SYCP1: variants seen among roughly 807,000 people sequenced by gnomAD.
The protein encoded by SYCP1 is cancer/testis antigen 8.
In SYCP1, 64 loss-of-function variants were observed where a neutral mutation model predicts 153.1. The observed-to-expected ratio is 0.42, with a 90% CI of 0.34 to 0.51. The LOEUF is 0.51. SYCP1 is among the 20% of genes least tolerant of loss of function. The pLI is 0.06. For missense variants in SYCP1, 997 were observed against 1,049.0 expected, an observed-to-expected ratio of 0.95 and a Z score of 0.68; for synonymous variants, 384 against 341.8, an observed-to-expected ratio of 1.12 and a Z score of -1.36.
chr1:114,857,099 C>T, intron 3 of SYCP1, 133 bp from the exon 4 acceptor site: 1 of 644,546 alleles, frequency 1.6e-6, no homozygotes. Flanking sequence ...TCACTGCCCT[C>T]TAGTCTAGGC....
chr1:114,974,038 C>T (rs942093083), intron 27 of SYCP1, among the ~76,000 whole-genome samples: 1 of 151,636 alleles, frequency 6.6e-6, no homozygotes. Context: ...TCAGCTTTAT[C>T]TGGTATTCAT....
In SYCP1 at chr1:114,890,421, A is replaced by G. The variant is rs576476742; in HGVS notation, c.1258+2728A>G. 9.2e-5 allele frequency among the ~76,000 whole-genome samples: 14 copies of G among 151,978 alleles called. No homozygotes were observed. In the South Asian group the frequency reaches 1.4e-3, roughly 16 times the overall value. ...TAACTGATTATACATTTATGTAAAT[A>G]TAAATATGCATTTGTATTTTATACA... On this transcript the variant is annotated intron_variant, in intron 15 of 31. Coordinates refer to ENST00000369522, the MANE Select transcript of SYCP1 (RefSeq NM_003176.4).
intron 30 of SYCP1, among the ~76,000 whole-genome samples, chr1:114,993,704 T>C (rs1674079455): frequency 6.6e-6 from 1 of 151,514 alleles, no homozygotes; most frequent in Non-Finnish European, 1.5e-5. Context: ...GTGACAACAT[T>C]ATATTTATTT....
intron 15 of SYCP1, among the ~76,000 whole-genome samples, chr1:114,890,292 A>G (rs962519177): frequency 3.3e-5 from 5 of 151,864 alleles, no homozygotes; most frequent in African/African-American, 9.7e-5. Context: ...AGAAAATGTT[A>G]GAATTTCTAT....
intron 23 of SYCP1, among the ~76,000 whole-genome samples, chr1:114,944,042 G>A (rs117429703): frequency 9.2e-5 from 14 of 151,798 alleles, no homozygotes; most frequent in Admixed American, 3.3e-4. Flanking sequence ...CTAATAAAGC[G>A]TATTAAACTG....
intron 27 of SYCP1, among the ~76,000 whole-genome samples, chr1:114,955,048 A>G (rs186734845): frequency 6.6e-6 from 1 of 152,248 alleles, no homozygotes; most frequent in Non-Finnish European, 1.5e-5. Context: ...TTTTTTCTAG[A>G]TTTAAAAAAT....
chr1:114,879,486 C>T (rs533275405), intron 12 of SYCP1, among the ~76,000 whole-genome samples: 1 of 152,256 alleles, frequency 6.6e-6, no homozygotes, highest in East Asian at 1.9e-4. Context: ...TCTCTTCTCT[C>T]CACCCCAAGT....
intron 16 of SYCP1, 155 bp from the exon 17 acceptor site, chr1:114,910,242 C>T: frequency 2.0e-6 from 1 of 490,490 alleles, no homozygotes; most frequent in South Asian, 2.7e-5. Flanking sequence ...CATGTTTAGT[C>T]TTTGAATTTA....
chr1:114,857,136 C>CAAAAAAAAAAAAAAAAAAAAAAAAAAA (rs71582509), intron 3 of SYCP1, 96 bp from the exon 4 acceptor site: 42 of 245,180 alleles, frequency 1.7e-4, no homozygotes, highest in African/African-American at 3.6e-4. Context: ...CTCTCTCTCT[C>CAAAAAAAAAAAAAAAAAAAAAAAAAAA]AAAAAAAAAA....
intron 15 of SYCP1, among the ~76,000 whole-genome samples, 198 bp downstream of exon 15, chr1:114,887,891 T>A (rs1206920222): frequency 6.6e-6 from 1 of 152,034 alleles, no homozygotes; most frequent in Non-Finnish European, 1.5e-5. Flanking sequence ...TATTATGCAG[T>A]TAATAGATAT....
chr1:114,958,955 A>G (rs1671613778), intron 27 of SYCP1, among the ~76,000 whole-genome samples: 1 of 149,230 alleles, frequency 6.7e-6, no homozygotes, highest in African/African-American at 2.4e-5. Flanking sequence ...AGAGTTCTTT[A>G]TTTCAGATAC....
chr1:114,894,295 A>T (rs1666917923), intron 15 of SYCP1, among the ~76,000 whole-genome samples: 1 of 152,140 alleles, frequency 6.6e-6, no homozygotes, highest in Non-Finnish European at 1.5e-5. Context: ...CAAGTGTTTT[A>T]AAAAATGTAC....
intron 23 of SYCP1, among the ~76,000 whole-genome samples, chr1:114,933,606 G>A (rs1057217277): frequency 2.5e-4 from 38 of 152,264 alleles, no homozygotes; most frequent in African/African-American, 8.2e-4. Context: ...AAACTTCTCC[G>A]AGCTAAAGGA....
chr1:114,985,494 G>A (rs1673439538), intron 30 of SYCP1, among the ~76,000 whole-genome samples: 1 of 151,706 alleles, frequency 6.6e-6, no homozygotes, highest in African/African-American at 2.4e-5. Context: ...TTTTTAAAAA[G>A]GTGAACCATA....
intron 23 of SYCP1, among the ~76,000 whole-genome samples, chr1:114,936,827 C>A (rs1264731843): frequency 1.3e-5 from 2 of 152,126 alleles, no homozygotes; most frequent in East Asian, 1.9e-4. Flanking sequence ...ACCTAGGAAT[C>A]CAACTTACAA....
At chr1:114,943,755 A>G (rs1292425336) in intron 23 of SYCP1, among the ~76,000 whole-genome samples, 2 of 151,882 alleles carry the variant, frequency 1.3e-5, no homozygotes, top group Non-Finnish European at 3.0e-5. Context: ...TATATTACCC[A>G]TAACCCTCTT....
At chr1:114,967,771 T>C (rs1410120899) in intron 27 of SYCP1, among the ~76,000 whole-genome samples, 1 of 152,242 alleles carries the variant, frequency 6.6e-6, no homozygotes, top group African/African-American at 2.4e-5. Flanking sequence ...AGTTTCTTCA[T>C]AGTGTTGATG....
Position 114,946,273 on chromosome 1 carries a change from T to A in SYCP1, c.2155-16T>A. On this transcript the variant is annotated splice_polypyrimidine_tract_variant and intron_variant, in intron 25 of 31. Transcript: ENST00000369522. ...CAGTTTTAATATATCTAAAATGTCTTCTTTGTTTAATATAGCACCAATATG... is the reference window on the plus strand; with the variant it reads ...CAGTTTTAATATATCTAAAATGTCTACTTTGTTTAATATAGCACCAATATG... 1.4e-6 allele frequency: 2 copies of A among 1,448,646 alleles called. No homozygotes were observed. Among genetic ancestry groups the A allele is most frequent in the Non-Finnish European group, 1.9e-6 (2 of 1,074,386 alleles). 89.7% of individuals were successfully genotyped at this position (1,448,646 alleles called of 1,614,324 possible).
chr1:114,900,672 A>G (rs200735696), intron 16 of SYCP1, among the ~76,000 whole-genome samples: 3 of 151,176 alleles, frequency 2.0e-5, no homozygotes, highest in East Asian at 1.9e-4. Context: ...ATGTCATAAT[A>G]GTAACTTTTA....
Sources: allele counts gnomAD v4.1 joint callset (sites outside exome capture counted in the v4.1 genomes callset), GRCh38; gene constraint gnomAD v4.1.1; transcripts MANE v1.5; gene names NCBI Gene and HGNC (gene_info 2026-07-23, HGNC 2026-07-21).